The following ECI2 variants were observed in gnomAD, a reference collection of about 807,000 sequenced individuals.
ECI2 encodes D3,D2-enoyl-CoA isomerase.
A neutral mutation model predicts 38.4 loss-of-function variants in ECI2; 27 were observed. That is an observed-to-expected ratio of 0.70 (90% CI 0.52 to 0.97). The LOEUF (loss-of-function observed/expected upper bound fraction) is 0.97, where lower values mean the gene tolerates loss of function less well. ECI2 is among the 50% of genes least tolerant of loss of function. The pLI is 0.00. For missense variants in ECI2, 470 were observed against 474.4 expected, an observed-to-expected ratio of 0.99 and a Z score of 0.09; for synonymous variants, 168 against 172.0, an observed-to-expected ratio of 0.98 and a Z score of 0.18.
At chr6:4,127,983 C>T (rs2113997470) in intron 4 of ECI2, 152 bp from the exon 5 acceptor site, 1 of 636,850 alleles carries the variant, frequency 1.6e-6, no homozygotes, top group Non-Finnish European at 2.5e-6. Flanking sequence ...GGTGGACCAA[C>T]ATAACTGAAG....
At chr6:4,118,022 CA>C (rs1351788411) in intron 8 of ECI2, 1 of 152,146 alleles carries the variant, frequency 6.6e-6, no homozygotes, top group African/African-American at 2.4e-5. Flanking sequence ...ATTTCTTTTC[CA>C]GAAAAGGAAT....
chr6:4,121,991 G>A (rs777626905), intron 7 of ECI2: 4 of 1,607,100 alleles, frequency 2.5e-6, no homozygotes, highest in African/African-American at 1.3e-5. Context: ...ACAGCCTAAG[G>A]AATACAAGCA....
At chr6:4,119,789 C>G (rs1772559355) in intron 7 of ECI2, among the ~76,000 whole-genome samples, 1 of 152,206 alleles carries the variant, frequency 6.6e-6, no homozygotes, top group African/African-American at 2.4e-5. Flanking sequence ...ACCACCACTA[C>G]TGACATGCGG....
intron 5 of ECI2, among the ~76,000 whole-genome samples, chr6:4,126,700 C>G (rs994126295): frequency 6.6e-6 from 1 of 152,074 alleles, no homozygotes; most frequent in African/African-American, 2.4e-5. Context: ...AGGGGGAAGT[C>G]GGTGCAGGAT....
rs986794885 is a variant in ECI2 at position 4,115,908 on chromosome 6, A to G, written c.1151T>C (p.Val384Ala). 6.2e-6 allele frequency: 10 copies of G among 1,613,950 alleles called. No individual in the cohort carries two copies. The highest frequency in any genetic ancestry group is 1.3e-5 in the African/African-American group (1 of 74,922). Residue 384 changes from valine to alanine, a missense_variant, in exon 10 of 10, where the codon GTG becomes GCG. Coordinates refer to ENST00000380118, the MANE Select transcript of ECI2 (RefSeq NM_206836.3). ...RWLSDECTNA[V>A]VNFLSRKSKL ...TGATTTTCTGGATAAGAAGTTCACC[A>G]CAGCATTTGTGCATTCATCTGATAG...
chr6:4,125,548 G>A, intron 6 of ECI2, 178 bp from the exon 7 acceptor site: 1 of 885,154 alleles, frequency 1.1e-6, no homozygotes, highest in South Asian at 1.7e-5. Context: ...ATTCATCCAG[G>A]GCATCCGTCT....
chr6:4,131,442 A>C (rs1773505536), intron 2 of ECI2, among the ~76,000 whole-genome samples: 1 of 152,218 alleles, frequency 6.6e-6, no homozygotes. Context: ...GGCTAGGTGG[A>C]GTGGGTGTTT....
In ECI2 at chr6:4,135,529, G is replaced by T. The variant is rs747764828; in HGVS notation, c.32C>A (p.Ala11Glu). The T allele has an allele frequency of 1.3e-6, 2 of 1,560,422 alleles. No homozygotes were observed. Among genetic ancestry groups the T allele is most frequent in the Non-Finnish European group, 1.7e-6 (2 of 1,148,168 alleles). ...AGCTTACCTCGGACACGAACGCCGCGCCAGTCTCCAAGCCAAGTACGCCAT... is the reference window on the plus strand; with the variant it reads ...AGCTTACCTCGGACACGAACGCCGCTCCAGTCTCCAAGCCAAGTACGCCAT... Reference protein sequence around the residue: MAMAYLAWRLARRSCPSSLQV... With the variant: MAMAYLAWRLERRSCPSSLQV... The change falls in exon 1 of 10, where the codon GCG (alanine) becomes GAG (glutamate). Residue 11 changes from alanine to glutamate, a missense_variant. Transcript: ENST00000380118.
In ECI2 at chr6:4,135,520, G is replaced by A. The variant is rs6910984; in HGVS notation, c.41C>T (p.Ser14Leu). 6.3e-7 allele frequency: 1 copy of A among 1,586,786 alleles called. No homozygotes were observed. Among genetic ancestry groups the A allele is most frequent in the South Asian group, 1.1e-5 (1 of 90,708 alleles). ...GGGACTCCAAGCTTACCTCGGACAC[G>A]AACGCCGCGCCAGTCTCCAAGCCAA... is the stretch of plus-strand genomic sequence containing the variant. ...AYLAWRLARR[S>L]CPSSLQVTSF... Residue 14 changes from serine to leucine, a missense_variant, in exon 1 of 10, where the codon TCG (serine) becomes TTG (leucine). Ser to Leu is a moderately radical substitution (Grantham distance 145, BLOSUM62 -2). Coordinates refer to ENST00000380118, the MANE Select transcript of ECI2 (RefSeq NM_206836.3).
At position 4,117,443 on chromosome 6, in the gene ECI2, C is replaced by T; in HGVS notation, c.894G>A (p.Glu298=). 1 of 1,610,602 alleles carries T rather than the reference C, an allele frequency of 6.2e-7. No homozygotes were observed. Among genetic ancestry groups the T allele is most frequent in the South Asian group, 1.1e-5 (1 of 90,182 alleles). The change falls in exon 9 of 10, where the codon GAG becomes GAA. Residue 298 remains glutamate (E), a synonymous_variant. Transcript: ENST00000380118. ...PKIMSPAKAT[E]MLIFGKKLTA... is the part of the protein sequence containing the mutation. ...TTAACTTCTTTCCAAAAATAAGCAT[C>T]TCTGTTGCCTGAAATGAAAAGCAAG...
intron 7 of ECI2, among the ~76,000 whole-genome samples, chr6:4,120,383 A>G (rs1772633299): frequency 6.6e-6 from 1 of 152,090 alleles, no homozygotes; most frequent in African/African-American, 2.4e-5. Flanking sequence ...TATACTTAAT[A>G]CTCTAGGCAG....
chr6:4,127,007 C>G (rs1400509633), intron 5 of ECI2, among the ~76,000 whole-genome samples: 1 of 152,190 alleles, frequency 6.6e-6, no homozygotes, highest in East Asian at 1.9e-4. Flanking sequence ...CACTTTCTGA[C>G]TTCAATTTCC....
intron 7 of ECI2, among the ~76,000 whole-genome samples, chr6:4,123,182 T>C (rs1772917832): frequency 6.6e-6 from 1 of 152,092 alleles, no homozygotes; most frequent in African/African-American, 2.4e-5. Context: ...ATTTTTTACT[T>C]ATATATTTTT....
chr6:4,128,037 C>T (rs1029866992), intron 4 of ECI2, among the ~76,000 whole-genome samples: 1 of 152,124 alleles, frequency 6.6e-6, no homozygotes, highest in Admixed American at 6.5e-5. Context: ...TATTATGTAC[C>T]TGGTGCTATG....
intron 4 of ECI2, 141 bp from the exon 5 acceptor site, chr6:4,127,972 A>T: frequency 1.4e-6 from 1 of 695,022 alleles, no homozygotes; most frequent in Non-Finnish European, 2.3e-6. Flanking sequence ...ATAACCAAAA[A>T]GGTGGACCAA....
Position 4,127,851 on chromosome 6 carries a change from G to T in ECI2, c.502-20C>A. The T allele has an allele frequency of 1.2e-6, 2 of 1,602,640 alleles. No homozygotes were observed. The highest frequency in any genetic ancestry group is 1.7e-6 in the Non-Finnish European group (2 of 1,175,122). ...ATACATCTGTGTAATGGGAAGACAA[G>T]GAAAAGAAAAGAACTCTGAACACAG... On this transcript the variant is annotated intron_variant, in intron 4 of 9. Transcript: ENST00000380118.
At chr6:4,116,168 T>C in intron 9 of ECI2, 139 bp from the exon 10 acceptor site, 1 of 823,896 alleles carries the variant, frequency 1.2e-6, no homozygotes, top group Non-Finnish European at 1.8e-6. Context: ...CTGGCCAACA[T>C]GGTGAAACCC....
At chr6:4,131,079 G>C (rs1195074885) in intron 2 of ECI2, 1 of 464,406 alleles carries the variant, frequency 2.2e-6, no homozygotes, top group Non-Finnish European at 3.8e-6. Context: ...ATAACTGCCT[G>C]TCTATGAAAA....
At chr6:4,132,204 G>A (rs929580203) in intron 2 of ECI2, among the ~76,000 whole-genome samples, 2 of 152,204 alleles carry the variant, frequency 1.3e-5, no homozygotes, top group African/African-American at 4.8e-5. Context: ...GATGGAGTCT[G>A]GGGCAGTAGC....
Sources: gnomAD v4.1 joint callset for allele counts (sites outside exome capture counted in the v4.1 genomes callset) on GRCh38, gnomAD v4.1.1 for gene constraint, MANE v1.5 for transcripts, NCBI Gene and HGNC (gene_info 2026-07-23, HGNC 2026-07-21) for gene names.